OR56A3: variants seen among roughly 807,000 people sequenced by gnomAD.
The protein encoded by OR56A3 is olfactory receptor 56A3.
A neutral mutation model predicts 17.5 loss-of-function variants in OR56A3; 23 were observed. That is an observed-to-expected ratio of 1.32 (90% confidence interval 0.95 to 1.87). The LOEUF (loss-of-function observed/expected upper bound fraction) is 1.87, where lower values mean the gene tolerates loss of function less well. Ranked by LOEUF, OR56A3 falls within the 40% of genes most tolerant of loss-of-function variation. The pLI is 0.00. For synonymous variants in OR56A3, 175 were observed against 150.6 expected, an observed-to-expected ratio of 1.16 and a Z score of -1.19; for missense variants, 366 against 380.1, an observed-to-expected ratio of 0.96 and a Z score of 0.31.
chr11:5,991,161 G>A, the OR56A3 span, among the ~76,000 whole-genome samples: 4 of 152,180 alleles, frequency 2.6e-5, no homozygotes, highest in Admixed American at 6.5e-5. Context: ...TGAAACATGA[G>A]TACTAGCTCT....
downstream of OR56A3, among the ~76,000 whole-genome samples, chr11:5,955,962 C>T (rs965360872): frequency 6.6e-6 from 1 of 152,178 alleles, no homozygotes; most frequent in African/African-American, 2.4e-5. Flanking sequence ...AATAACTTTG[C>T]CATAAAATAC....
the OR56A3 span, chr11:6,007,077 A>G: frequency 6.6e-6 from 1 of 152,252 alleles, no homozygotes; most frequent in Non-Finnish European, 1.5e-5. Flanking sequence ...CCTATGGTCC[A>G]TGTCCCAGGA....
chr11:5,944,738 T>G (rs1014894161), intron 1 of OR56A3, 68 bp from the exon 2 acceptor site: 1 of 152,224 alleles, frequency 6.6e-6, no homozygotes, highest in Non-Finnish European at 1.5e-5. Flanking sequence ...GAATCACAAA[T>G]GAAACGGTAT....
chr11:5,981,827 G>A, the OR56A3 span, among the ~76,000 whole-genome samples: 1 of 152,176 alleles, frequency 6.6e-6, no homozygotes, highest in Non-Finnish European at 1.5e-5. Flanking sequence ...CTTAGGATGA[G>A]GCTTTTTGCT....
chr11:5,977,601 T>G, the OR56A3 span, among the ~76,000 whole-genome samples: 1 of 152,348 alleles, frequency 6.6e-6, no homozygotes, highest in East Asian at 1.9e-4. Flanking sequence ...TTCTTATGGA[T>G]TCTTGATATT....
the OR56A3 span, chr11:6,002,917 A>G: frequency 1.9e-6 from 3 of 1,614,018 alleles, no homozygotes; most frequent in South Asian, 3.3e-5. Context: ...CAGTGCTGCC[A>G]GCTCTGGAAG....
chr11:5,978,903 T>C, the OR56A3 span, among the ~76,000 whole-genome samples: 3 of 152,318 alleles, frequency 2.0e-5, no homozygotes, highest in East Asian at 5.8e-4. Flanking sequence ...GATGCCTAGT[T>C]TGTTGCAGGT....
chr11:5,961,615 G>C, the OR56A3 span, among the ~76,000 whole-genome samples: 2 of 152,070 alleles, frequency 1.3e-5, no homozygotes, highest in African/African-American at 4.8e-5. Context: ...CACTGAGGAA[G>C]GCGGCAGGGC....
the OR56A3 span, chr11:5,994,877 G>A: frequency 5.4e-5 from 41 of 757,238 alleles, no homozygotes; most frequent in Middle Eastern, 3.0e-4. Flanking sequence ...CACTCTGTCC[G>A]GGTAGGAGGC....
At chr11:5,964,133 C>T in the OR56A3 span, among the ~76,000 whole-genome samples, 43,498 of 151,692 alleles carry the variant, frequency 0.29, 6,482 homozygotes, top group East Asian at 0.46. Flanking sequence ...TTTCTTGAAT[C>T]GTTTCTGTGT....
At chr11:5,993,380 T>C in the OR56A3 span, among the ~76,000 whole-genome samples, 1 of 152,060 alleles carries the variant, frequency 6.6e-6, no homozygotes, top group Non-Finnish European at 1.5e-5. Context: ...AAAAAGCAAA[T>C]ACAGCCATCT....
chr11:5,985,785 A>C, the OR56A3 span: 1 of 676,124 alleles, frequency 1.5e-6, no homozygotes, highest in Non-Finnish European at 2.4e-6. Flanking sequence ...CCAATAAGCC[A>C]AGTATCTGTG....
chr11:5,989,429 A>AG, the OR56A3 span, among the ~76,000 whole-genome samples: 2 of 140,494 alleles, frequency 1.4e-5, no homozygotes, highest in Non-Finnish European at 1.6e-5. Context: ...AATAAAGTAA[A>AG]TAAAGTAAGA....
the OR56A3 span, among the ~76,000 whole-genome samples, chr11:5,975,670 G>T: frequency 6.6e-6 from 1 of 151,884 alleles, no homozygotes; most frequent in Non-Finnish European, 1.5e-5. Flanking sequence ...ATAAACATAC[G>T]TGTGCATGTG....
downstream of OR56A3, among the ~76,000 whole-genome samples, chr11:5,955,017 A>C (rs1192754766): frequency 6.6e-6 from 1 of 152,222 alleles, no homozygotes; most frequent in South Asian, 2.1e-4. Context: ...ATAAGCTGCA[A>C]ATATACAGGA....
chr11:5,995,379 C>G, the OR56A3 span, among the ~76,000 whole-genome samples: 3 of 152,164 alleles, frequency 2.0e-5, no homozygotes, highest in Non-Finnish European at 4.4e-5. Context: ...CTGTGTTGAA[C>G]AGCAGAGGTC....
At chr11:5,945,426 A>C (rs926916904) in intron 2 of OR56A3, among the ~76,000 whole-genome samples, 1 of 151,844 alleles carries the variant, frequency 6.6e-6, no homozygotes, top group Admixed American at 6.6e-5. Flanking sequence ...CACAAAAACA[A>C]ACAAAATTAA....
the OR56A3 span, among the ~76,000 whole-genome samples, chr11:5,974,727 A>G: frequency 6.6e-6 from 1 of 152,162 alleles, no homozygotes. Flanking sequence ...TAGCACCATC[A>G]CTTACTAGCC....
chr11:5,968,325 G>A, the OR56A3 span: 7 of 1,613,218 alleles, frequency 4.3e-6, no homozygotes, highest in South Asian at 1.1e-5. Context: ...CTGGTGCAGA[G>A]AGGCTTCCAG....
Sources: allele counts gnomAD v4.1 joint callset (sites outside exome capture counted in the v4.1 genomes callset), GRCh38; gene constraint gnomAD v4.1.1; transcripts MANE v1.5; gene names NCBI Gene and HGNC (gene_info 2026-07-23, HGNC 2026-07-21).